BCAT1: variants seen among roughly 807,000 people sequenced by gnomAD.
BCAT1 encodes the protein branched-chain-amino-acid aminotransferase, cytosolic.
In BCAT1, 48 loss-of-function variants were observed where a neutral mutation model predicts 52.4. That is an observed-to-expected ratio of 0.92 (90% confidence interval 0.73 to 1.16). The LOEUF (loss-of-function observed/expected upper bound fraction) is 1.16. BCAT1 is among the 50% of genes most tolerant of loss of function. The pLI, the probability that BCAT1 is intolerant of heterozygous loss-of-function variation, is 0.00. For missense variants in BCAT1, 451 were observed against 457.1 expected (o/e 0.99, Z 0.12); for synonymous variants, 167 against 161.3 (o/e 1.04, Z -0.27).
Position 24,814,802 on chromosome 12 carries a change from G to GTTTTTTTTTTTTTTTTT in BCAT1, c.*3189_*3205dup, listed in dbSNP as rs796259272. ...CTACTGCCTGCCTCTGCCTCTGTTT[G>GTTTTTTTTTTTTTTTTT]TTTTTTTTTTTTTTTTTTGTCTTAC... is the stretch of plus-strand genomic sequence containing the variant. On this transcript the variant is annotated 3_prime_UTR_variant, in exon 11 of 11. Coordinates refer to ENST00000261192, the MANE Select transcript of BCAT1 (RefSeq NM_005504.7). The GTTTTTTTTTTTTTTTTT allele has an allele frequency of 1.8e-5, 1 of 56,848 alleles. No individual in the cohort carries two copies. The allele number at this position is 56,848 out of a possible 1,614,324, so 3.5% of individuals were successfully genotyped here.
chr12:24,822,369 C>G (rs1940174936), intron 10 of BCAT1, among the ~76,000 whole-genome samples: 1 of 152,118 alleles, frequency 6.6e-6, no homozygotes, highest in East Asian at 1.9e-4. Flanking sequence ...AATTTTTCCC[C>G]TGAGCCATAC....
intron 1 of BCAT1, among the ~76,000 whole-genome samples, chr12:24,906,767 C>T (rs1943232873): frequency 6.6e-6 from 1 of 152,140 alleles, no homozygotes; most frequent in African/African-American, 2.4e-5. Flanking sequence ...TAGCAGTTGT[C>T]CCTCAAATGC....
At chr12:24,889,941 A>G (rs900748722) in intron 3 of BCAT1, among the ~76,000 whole-genome samples, 10 of 152,348 alleles carry the variant, frequency 6.6e-5, no homozygotes, top group South Asian at 6.2e-4. Flanking sequence ...GAATGAGTTC[A>G]GTGAGCTTCC....
intron 1 of BCAT1, among the ~76,000 whole-genome samples, chr12:24,947,686 CA>C (rs917696415): frequency 3.9e-5 from 6 of 152,172 alleles, no homozygotes; most frequent in Non-Finnish European, 8.8e-5. Context: ...GTGGAAGGGA[CA>C]GGGGTTTTTG....
At chr12:24,897,876 T>C (rs948025783) in intron 2 of BCAT1, among the ~76,000 whole-genome samples, 1 of 152,072 alleles carries the variant, frequency 6.6e-6, no homozygotes, top group African/African-American at 2.4e-5. Flanking sequence ...TTCAAAGTAA[T>C]ATACGATTAG....
intron 5 of BCAT1, among the ~76,000 whole-genome samples, chr12:24,867,337 CTTT>C (rs35488171): frequency 0.017 from 2,227 of 128,766 alleles, 50 homozygotes; most frequent in African/African-American, 0.057. Flanking sequence ...TCGAAAATAT[CTTT>C]TTTTTTTTTT....
intron 5 of BCAT1, among the ~76,000 whole-genome samples, chr12:24,875,560 TAG>T (rs1942310526): frequency 6.6e-6 from 1 of 152,206 alleles, no homozygotes. Context: ...CATAAGTTGA[TAG>T]AGTGTATAGT....
intron 5 of BCAT1, 104 bp downstream of exon 5, chr12:24,878,426 G>T: frequency 9.8e-7 from 1 of 1,025,022 alleles, no homozygotes; most frequent in Non-Finnish European, 1.3e-6. Context: ...CATTAATGAT[G>T]CTACTGGGGG....
At chr12:24,902,284 G>C in intron 1 of BCAT1, 2 of 1,320,276 alleles carry the variant, frequency 1.5e-6, no homozygotes, top group Admixed American at 7.3e-5. Flanking sequence ...CAGCCTCGTG[G>C]TCTTGTCAAT....
intron 1 of BCAT1, among the ~76,000 whole-genome samples, chr12:24,915,869 TCTCA>T (rs753242179): frequency 6.6e-6 from 1 of 152,210 alleles, no homozygotes; most frequent in Non-Finnish European, 1.5e-5. Context: ...TTTTGAAACC[TCTCA>T]AGGGCTGGGC....
chr12:24,826,327 G>A (rs562364315), intron 10 of BCAT1, among the ~76,000 whole-genome samples: 34 of 152,312 alleles, frequency 2.2e-4, no homozygotes, highest in African/African-American at 6.5e-4. Flanking sequence ...GGTAAGAGAA[G>A]CGAATCTAGT....
chr12:24,883,809 T>A (rs927637215), intron 3 of BCAT1, among the ~76,000 whole-genome samples: 12 of 152,152 alleles, frequency 7.9e-5, no homozygotes, highest in Non-Finnish European at 1.6e-4. Context: ...TCATAAAAAG[T>A]GCACCACCTA....
intron 5 of BCAT1, among the ~76,000 whole-genome samples, chr12:24,867,498 CAT>C (rs776696634): frequency 1.3e-5 from 2 of 152,090 alleles, no homozygotes; most frequent in Non-Finnish European, 2.9e-5. Flanking sequence ...ATTGGTGACA[CAT>C]GTTGAGTGTG....
chr12:24,933,989 C>T (rs993682594), intron 1 of BCAT1, among the ~76,000 whole-genome samples: 1 of 152,104 alleles, frequency 6.6e-6, no homozygotes, highest in East Asian at 1.9e-4. Context: ...AGCTTGTCTG[C>T]TCCTTACTGT....
chr12:24,846,442 T>C (rs1020583636), intron 6 of BCAT1, among the ~76,000 whole-genome samples: 3 of 152,064 alleles, frequency 2.0e-5, no homozygotes, highest in Admixed American at 6.5e-5. Flanking sequence ...AACAGAAAAA[T>C]GAAAAAGTAA....
At chr12:24,820,497 T>C (rs1598092262) in intron 10 of BCAT1, among the ~76,000 whole-genome samples, 1 of 152,228 alleles carries the variant, frequency 6.6e-6, no homozygotes. Flanking sequence ...CATGTCTTCA[T>C]GGACTAGGAT....
intron 6 of BCAT1, among the ~76,000 whole-genome samples, chr12:24,844,011 G>A (rs536951326): frequency 1.3e-5 from 2 of 152,290 alleles, no homozygotes; most frequent in African/African-American, 4.8e-5. Context: ...CATGGAGCCA[G>A]AAGCTCTGAC....
At chr12:24,858,466 T>G (rs976871114) in intron 5 of BCAT1, among the ~76,000 whole-genome samples, 3 of 152,360 alleles carry the variant, frequency 2.0e-5, no homozygotes, top group African/African-American at 7.2e-5. Flanking sequence ...ATTTGCTGAA[T>G]GCTTCAATGC....
At chr12:24,948,606 G>C (rs1943971880) in intron 1 of BCAT1, among the ~76,000 whole-genome samples, 1 of 152,160 alleles carries the variant, frequency 6.6e-6, no homozygotes, top group Non-Finnish European at 1.5e-5. Flanking sequence ...AGGAGAAACT[G>C]AGAGAAGCCC....
Sources: gnomAD v4.1 joint callset for allele counts (sites outside exome capture counted in the v4.1 genomes callset) on GRCh38, gnomAD v4.1.1 for gene constraint, MANE v1.5 for transcripts, NCBI Gene and HGNC (gene_info 2026-07-23, HGNC 2026-07-21) for gene names.